Variants in NHSL1 observed in about 807,000 individuals in gnomAD.
The protein encoded by NHSL1 is NHS-like protein 1.
NHSL1 carries 48 observed loss-of-function variants against 95.0 expected under a neutral mutation model. That is an observed-to-expected ratio of 0.51 (90% CI 0.40 to 0.64). NHSL1 has a LOEUF of 0.64. Among genes scored for constraint, NHSL1 ranks in the 30% least tolerant of loss-of-function variants. The probability of loss-of-function intolerance (pLI) is 0.00; values close to 1 mark genes in which losing one functional copy is unlikely to be tolerated. For synonymous variants in NHSL1, 783 were observed against 833.9 expected (o/e 0.94, Z 1.05); for missense variants, 1,971 against 2,077.7 (o/e 0.95, Z 1.00).
intron 2 of NHSL1, among the ~76,000 whole-genome samples, chr6:138,474,531 G>A (rs1046586707): frequency 2.2e-4 from 34 of 152,094 alleles, no homozygotes; most frequent in Admixed American, 2.0e-3. Context: ...GGGAGTGGAA[G>A]GACAACGTTT....
chr6:138,628,443 C>G (rs1289221582), intron 1 of NHSL1, among the ~76,000 whole-genome samples: 1 of 152,080 alleles, frequency 6.6e-6, no homozygotes, highest in Non-Finnish European at 1.5e-5. Context: ...AACGGCAAGG[C>G]AATTTTGAGT....
chr6:138,514,894 G>C (rs1429750179), intron 1 of NHSL1, among the ~76,000 whole-genome samples: 1 of 152,150 alleles, frequency 6.6e-6, no homozygotes, highest in Non-Finnish European at 1.5e-5. Context: ...CGGCATTCCA[G>C]CCTGGGCGAC....
chr6:138,565,416 A>G (rs1323341341), intron 1 of NHSL1, among the ~76,000 whole-genome samples: 1 of 152,016 alleles, frequency 6.6e-6, no homozygotes, highest in Non-Finnish European at 1.5e-5. Flanking sequence ...TGGTTTTTGT[A>G]TCTTAGGAAG....
intron 3 of NHSL1, among the ~76,000 whole-genome samples, chr6:138,462,191 A>G (rs1217884714): frequency 6.6e-6 from 1 of 152,104 alleles, no homozygotes; most frequent in Non-Finnish European, 1.5e-5. Context: ...TAAAGAGTAG[A>G]GGTTTATTTA....
At chr6:138,650,346 C>G (rs879043522) in intron 1 of NHSL1, 1 of 1,046,610 alleles carries the variant, frequency 9.6e-7, no homozygotes. Context: ...CGGGGAGTAA[C>G]GGGGGAGCCC....
intron 1 of NHSL1, among the ~76,000 whole-genome samples, chr6:138,562,229 T>C (rs1783437522): frequency 1.3e-5 from 2 of 152,200 alleles, no homozygotes; most frequent in African/African-American, 2.4e-5. Flanking sequence ...ATTAGAAATA[T>C]AAGGTAAAGA....
In NHSL1 at chr6:138,433,075, C is replaced by G. The variant is rs368681633; in HGVS notation, c.1270G>C (p.Val424Leu). 1.3e-6 allele frequency: 2 copies of G among 1,551,222 alleles called. No homozygotes were observed. Among genetic ancestry groups the G allele is most frequent in the African/African-American group, 2.7e-5 (2 of 73,154 alleles). Residue 424 changes from valine to leucine, a missense_variant, in exon 6 of 8, where the codon GTC becomes CTC. Physicochemically the swap from Val to Leu is conservative, Grantham distance 32 (BLOSUM62 1). Around this residue, in one of 3 missense-constraint regions of NHSL1, gnomAD observed 1,602 missense variants for 1,654.5 expected, o/e 0.97. Coordinates refer to ENST00000343505, the MANE Select transcript of NHSL1 (RefSeq NM_001144060.2). The part of the protein sequence containing the change: ...PNATLSSSSE[V>L]IAIPTAQSAG... The stretch of plus-strand genomic sequence containing the variant: ...CTCTGAGCAGTGGGAATAGCGATGA[C>G]CTCGGAAGAGGAAGACAGTGTGGCA...
chr6:138,623,017 A>G (rs1377463745), intron 1 of NHSL1, among the ~76,000 whole-genome samples: 4 of 152,216 alleles, frequency 2.6e-5, no homozygotes, highest in Non-Finnish European at 4.4e-5. Context: ...CGCATAATAC[A>G]GGGCCCTGCA....
intron 1 of NHSL1, among the ~76,000 whole-genome samples, chr6:138,552,187 G>A (rs1277941878): frequency 1.3e-4 from 20 of 152,152 alleles, no homozygotes; most frequent in African/African-American, 2.7e-4. Flanking sequence ...TTGGGAGGCC[G>A]AGGCAGGCGG....
At chr6:138,632,454 G>A (rs893869022) in intron 1 of NHSL1, among the ~76,000 whole-genome samples, 1 of 152,182 alleles carries the variant, frequency 6.6e-6, no homozygotes, top group Non-Finnish European at 1.5e-5. Context: ...GACCCAGCGC[G>A]GTCCTAGTAG....
At chr6:138,472,213 C>CA (rs1201910022) in intron 3 of NHSL1, among the ~76,000 whole-genome samples, 16 of 143,214 alleles carry the variant, frequency 1.1e-4, no homozygotes, top group Non-Finnish European at 1.5e-5. Context: ...ATCTAAAAAA[C>CA]AATCTGGGTG....
rs1364683588 is a variant in NHSL1, at chr6:138,424,998, G to A, written c.4086-182C>T. On this transcript the variant is annotated intron_variant, in intron 7 of 7. Coordinates refer to ENST00000343505, the MANE Select transcript of NHSL1 (RefSeq NM_001144060.2). The surrounding 1 kb of genome is among the most constrained non-coding windows in gnomAD (Gnocchi z 5.9). ...TAATCCCAGCATTTTGGGAGGCCAC[G>A]GTGGGAGGATCACTTGAGCTTAGGA... Among the ~76,000 whole-genome samples, 4 of 152,006 alleles carry A rather than the reference G, an allele frequency of 2.6e-5. No homozygotes were observed. The highest frequency in any genetic ancestry group is 7.3e-5 in the African/African-American group (3 of 41,370).
intron 3 of NHSL1, chr6:138,464,085 C>T: frequency 2.2e-6 from 1 of 449,604 alleles, no homozygotes; most frequent in Non-Finnish European, 4.1e-6. Context: ...AAGATGGTGG[C>T]CGCGCACGAG....
intron 3 of NHSL1, among the ~76,000 whole-genome samples, chr6:138,468,354 C>CT (rs1778524662): frequency 6.6e-6 from 1 of 152,190 alleles, no homozygotes; most frequent in African/African-American, 2.4e-5. Flanking sequence ...GAGCAACAGG[C>CT]TATATACCGG....
intron 1 of NHSL1, among the ~76,000 whole-genome samples, chr6:138,618,759 T>C (rs2114620826): frequency 6.6e-6 from 1 of 152,334 alleles, no homozygotes; most frequent in South Asian, 2.1e-4. Flanking sequence ...AATAATGACT[T>C]GTACCGAGTG....
At chr6:138,554,956 T>C (rs1270864525) in intron 1 of NHSL1, among the ~76,000 whole-genome samples, 2 of 152,234 alleles carry the variant, frequency 1.3e-5, no homozygotes, top group Non-Finnish European at 1.5e-5. Flanking sequence ...ACAACAATAA[T>C]GGTTTGAGGA....
At chr6:138,495,637 C>A (rs1780304810) in intron 2 of NHSL1, among the ~76,000 whole-genome samples, 1 of 152,178 alleles carries the variant, frequency 6.6e-6, no homozygotes, top group African/African-American at 2.4e-5. Context: ...GGTGTGGGCT[C>A]CTGGAAACAG....
intron 3 of NHSL1, among the ~76,000 whole-genome samples, chr6:138,455,871 T>C (rs1379032203): frequency 6.6e-6 from 1 of 152,240 alleles, no homozygotes; most frequent in Non-Finnish European, 1.5e-5. Context: ...CAGGAAATTC[T>C]ATGTGGGTGG....
At chr6:138,606,296 T>C (rs980693680) in intron 1 of NHSL1, among the ~76,000 whole-genome samples, 4 of 152,242 alleles carry the variant, frequency 2.6e-5, no homozygotes, top group African/African-American at 9.6e-5. Context: ...CATTTCCATC[T>C]GCGATAGAGT....
Sources: allele counts gnomAD v4.1 joint callset (sites outside exome capture counted in the v4.1 genomes callset), GRCh38; gene constraint gnomAD v4.1.1; regional missense constraint gnomAD v4.1.1; non-coding constraint Gnocchi (gnomAD v3.1); transcripts MANE v1.5; gene names NCBI Gene and HGNC (gene_info 2026-07-23, HGNC 2026-07-21).